POP1: variants seen among roughly 807,000 people sequenced by gnomAD.
The protein encoded by POP1 is ribonucleases P/MRP protein subunit POP1.
A neutral mutation model predicts 102.2 loss-of-function variants in POP1; 75 were observed. The ratio of observed to expected loss-of-function variants is 0.73; its 90% CI spans 0.61 to 0.89. The LOEUF (loss-of-function observed/expected upper bound fraction) is 0.89, where lower values mean the gene tolerates loss of function less well. Ranked by LOEUF, POP1 falls within the 40% of genes least tolerant of loss-of-function variation. The pLI is 0.00. For synonymous variants in POP1, 436 were observed against 464.1 expected, an observed-to-expected ratio of 0.94 and a Z score of 0.78; for missense variants, 1,116 against 1,267.4, an observed-to-expected ratio of 0.88 and a Z score of 1.81.
chr8:98,144,317 C>T (rs1245106033), intron 11 of POP1, among the ~76,000 whole-genome samples: 2 of 151,778 alleles, frequency 1.3e-5, no homozygotes, highest in African/African-American at 4.8e-5. Flanking sequence ...ACTCTGTTGC[C>T]CAGACCCGAG....
At chr8:98,130,856 G>A (rs537929635) in intron 5 of POP1, among the ~76,000 whole-genome samples, 44 of 152,322 alleles carry the variant, frequency 2.9e-4, no homozygotes, top group Middle Eastern at 3.4e-3. Context: ...AATTTTAAAC[G>A]CTTTGAGAGG....
In POP1 at chr8:98,127,675, T is replaced by A. The variant is rs1330738227; in HGVS notation, c.223T>A (p.Ser75Thr). Residue 75 changes from serine (S) to threonine (T), a missense_variant, in exon 3 of 16, where the codon TCT becomes ACT. Physicochemically the swap from Ser to Thr is moderately conservative, Grantham distance 58 (BLOSUM62 1). Coordinates refer to ENST00000401707, the MANE Select transcript of POP1 (RefSeq NM_001145860.2). ...GCCTGACCCTGAAGTGAATGAGCAG[T>A]CTTCCTCCAAAGGGATGTTTAGAAA... ...SLPDPEVNEQSSSKGMFRKKG... is the reference protein window; with the variant it reads ...SLPDPEVNEQTSSKGMFRKKG... The A allele has an allele frequency of 6.2e-7, 1 of 1,613,984 alleles. No homozygotes were observed. Among genetic ancestry groups the A allele is most frequent in the Non-Finnish European group, 8.5e-7 (1 of 1,179,998 alleles).
chr8:98,151,433 T>C (rs1030495033), intron 14 of POP1, among the ~76,000 whole-genome samples: 7 of 152,206 alleles, frequency 4.6e-5, no homozygotes, highest in East Asian at 1.9e-4. Flanking sequence ...TCTTTTTTCA[T>C]TGGAAGTGTG....
At chr8:98,122,759 G>T (rs1586225500) in intron 1 of POP1, among the ~76,000 whole-genome samples, 2 of 152,112 alleles carry the variant, frequency 1.3e-5, no homozygotes, top group East Asian at 3.8e-4. Context: ...TGTCTAATAG[G>T]TTATAACATT....
Position 98,150,625 on chromosome 8 carries a change from T to G in POP1, c.2043T>G (p.Leu681=). The change falls in exon 14 of 16, where the codon CTT becomes CTG. Residue 681 remains leucine, a synonymous_variant. Coordinates refer to ENST00000401707, the MANE Select transcript of POP1 (RefSeq NM_001145860.2). ...CGGAAGAGCAAGCTAAGAATCTTCT[T>G]GAAAAGTACAAAAGGTAAGAAACTG... ...LFAEEQAKNL[L]EKYKRRPPAK... 1 of 1,614,206 alleles carries G rather than the reference T, an allele frequency of 6.2e-7. No homozygotes were observed. Among genetic ancestry groups the G allele is most frequent in the African/African-American group, 1.3e-5 (1 of 75,078 alleles).
intron 11 of POP1, among the ~76,000 whole-genome samples, chr8:98,146,004 AGAT>A (rs1816833904): frequency 6.6e-6 from 1 of 152,216 alleles, no homozygotes; most frequent in Non-Finnish European, 1.5e-5. Context: ...ACAGAAGAGA[AGAT>A]GATGATATCT....
chr8:98,156,058 C>T lies in POP1; in HGVS notation c.2066C>T (p.Pro689Leu). Reference protein sequence around the residue: ...NLLEKYKRRPPAKRPNYVKLG... With the variant: ...NLLEKYKRRPLAKRPNYVKLG... ...TGTATGTTTTTCTTTAGACGCCCTCCTGCAAAACGGCCCAACTACGTTAAG... is the reference window on the plus strand; with the variant it reads ...TGTATGTTTTTCTTTAGACGCCCTCTTGCAAAACGGCCCAACTACGTTAAG... Residue 689 changes from proline (P) to leucine (L), a missense_variant, in exon 15 of 16, where the codon CCT becomes CTT. By Grantham distance (98) the Pro-to-Leu change is moderately conservative. Transcript: ENST00000401707. 6.2e-7 allele frequency: 1 copy of T among 1,613,544 alleles called. No homozygotes were observed.
chr8:98,154,382 G>A (rs781063481), intron 14 of POP1, among the ~76,000 whole-genome samples: 1 of 152,188 alleles, frequency 6.6e-6, no homozygotes, highest in Non-Finnish European at 1.5e-5. Flanking sequence ...CAGCTGCTGC[G>A]AGCCGCAGGG....
intron 5 of POP1, among the ~76,000 whole-genome samples, chr8:98,131,299 G>C (rs1469551102): frequency 6.6e-6 from 1 of 152,072 alleles, no homozygotes; most frequent in Non-Finnish European, 1.5e-5. Context: ...CCATTCTATT[G>C]TCTATCCAAT....
At chr8:98,123,236 G>T (rs1470400588) in intron 1 of POP1, 100 bp from the exon 2 acceptor site, 3 of 1,386,640 alleles carry the variant, frequency 2.2e-6, no homozygotes, top group East Asian at 2.6e-5. Context: ...TCCATCAATA[G>T]ACTTATTTTG....
rs192407554 is a variant in POP1 at position 98,131,911 on chromosome 8, G to C, written c.735+1685G>C. 3.9e-5 allele frequency among the ~76,000 whole-genome samples: 6 copies of C among 152,298 alleles called. No homozygotes were observed. The East Asian group carries it at 1.2e-3, about 29-fold the overall frequency. Reference sequence around the variant, plus strand: ...AGTCAAGTTCCTCATTCACATTGAGGAAGCTGGGTTCTGGAGAGATGAAGT... The same window carrying C: ...AGTCAAGTTCCTCATTCACATTGAGCAAGCTGGGTTCTGGAGAGATGAAGT... On this transcript the variant is annotated intron_variant, in intron 5 of 15. Transcript: ENST00000401707.
intron 1 of POP1, among the ~76,000 whole-genome samples, chr8:98,121,876 G>A (rs1260841543): frequency 1.3e-5 from 2 of 151,764 alleles, no homozygotes; most frequent in South Asian, 2.1e-4. Flanking sequence ...TAGTAGAGAC[G>A]GGGTTTCACT....
chr8:98,150,393 C>T (rs1586249298), intron 13 of POP1, 92 bp from the exon 14 acceptor site: 3 of 1,336,498 alleles, frequency 2.2e-6, no homozygotes, highest in Admixed American at 3.4e-5. Flanking sequence ...TTTTGAGGGG[C>T]GTTTAGGTTG....
chr8:98,131,470 G>C (rs1816377941), intron 5 of POP1, among the ~76,000 whole-genome samples: 1 of 152,142 alleles, frequency 6.6e-6, no homozygotes, highest in Non-Finnish European at 1.5e-5. Flanking sequence ...TCCATTGTAG[G>C]TATATACCGT....
In POP1 at chr8:98,136,876, G is replaced by A. The variant is rs1204708643; in HGVS notation, c.1284G>A (p.Glu428=). Residue 428 remains glutamate, a synonymous_variant, in exon 9 of 16, where the codon GAG becomes GAA. Coordinates refer to ENST00000401707, the MANE Select transcript of POP1 (RefSeq NM_001145860.2). ...TGIIISDLTM[E]MNRFRLIGPL... ...TCTTTTTCAGCGATTTGACGATGGA[G>A]ATGAACAGATTCCGGCTGATTGGGC... 6.2e-7 allele frequency: 1 copy of A among 1,613,806 alleles called. No homozygotes were observed. The highest frequency in any genetic ancestry group is 8.5e-7 in the Non-Finnish European group (1 of 1,179,782).
At chr8:98,133,879 C>T (rs1816453840) in intron 5 of POP1, 70 bp from the exon 6 acceptor site, 1 of 1,150,948 alleles carries the variant, frequency 8.7e-7, no homozygotes, top group Non-Finnish European at 1.3e-6. Context: ...TGTGATACGG[C>T]TTTTGGCTTC....
chr8:98,123,311 A>C, intron 1 of POP1, 25 bp from the exon 2 acceptor site: 1 of 1,610,274 alleles, frequency 6.2e-7, no homozygotes, highest in Non-Finnish European at 8.5e-7. Flanking sequence ...CTTTCCCTGT[A>C]TTAAATGTAT....
intron 4 of POP1, 115 bp downstream of exon 4, chr8:98,128,655 A>C: frequency 1.7e-6 from 2 of 1,205,600 alleles, no homozygotes; most frequent in Non-Finnish European, 2.4e-6. Context: ...ATGGTGGCTC[A>C]CGCCTGTAAT....
Position 98,157,980 on chromosome 8 carries a change from T to C in POP1, c.2784T>C (p.Ser928=). The stretch of plus-strand genomic sequence containing the variant: ...GGCAGAAGCCAGGACGTGCCTCTTC[T>C]GATGGCCCGGCGGGGGAAGAGCCCG... ...EKRQKPGRAS[S]DGPAGEEPVA... The change falls in exon 16 of 16, where the codon TCT becomes TCC. Residue 928 remains serine (S), a synonymous_variant. Transcript: ENST00000401707. The C allele has an allele frequency of 6.2e-7, 1 of 1,613,366 alleles. No individual in the cohort carries two copies.
Sources: allele counts gnomAD v4.1 joint callset (sites outside exome capture counted in the v4.1 genomes callset), GRCh38; gene constraint gnomAD v4.1.1; transcripts MANE v1.5; gene names NCBI Gene and HGNC (gene_info 2026-07-23, HGNC 2026-07-21).